PUM2: variants seen among roughly 807,000 people sequenced by gnomAD.
PUM2 encodes the protein pumilio homolog 2.
Under a neutral mutation model 124.5 loss-of-function variants are expected in PUM2, and 57 were observed. That is an observed-to-expected ratio of 0.46 (90% CI 0.37 to 0.57). The LOEUF is 0.57. PUM2 is among the 20% of genes least tolerant of loss of function. The probability of loss-of-function intolerance (pLI) is 0.00; values close to 1 mark genes in which losing one functional copy is unlikely to be tolerated. For missense variants in PUM2, 1,065 were observed against 1,290.6 expected, an observed-to-expected ratio of 0.83 and a Z score of 2.68; for synonymous variants, 460 against 446.1, an observed-to-expected ratio of 1.03 and a Z score of -0.39.
intron 1 of PUM2, among the ~76,000 whole-genome samples, chr2:20,344,005 T>C (rs1687733255): frequency 6.6e-6 from 1 of 152,166 alleles, no homozygotes; most frequent in African/African-American, 2.4e-5. Flanking sequence ...TAATAGAAAA[T>C]ATCTTCAACA....
chr2:20,334,819 T>G (rs191763229), intron 1 of PUM2, among the ~76,000 whole-genome samples: 2 of 152,248 alleles, frequency 1.3e-5, no homozygotes, highest in East Asian at 1.9e-4. Flanking sequence ...GCCTGGAGAC[T>G]GTACCTTCCT....
intron 13 of PUM2, among the ~76,000 whole-genome samples, chr2:20,264,336 CAAAAAAAAAAAAA>C (rs869149732): frequency 1.2e-4 from 3 of 25,390 alleles, no homozygotes; most frequent in East Asian, 4.6e-3. Flanking sequence ...CACTCTGTCT[CAAAAAAAAAAAAA>C]AAAAAAAAAA....
intron 15 of PUM2, among the ~76,000 whole-genome samples, chr2:20,259,156 C>G (rs557840640): frequency 1.3e-5 from 2 of 152,212 alleles, no homozygotes; most frequent in South Asian, 4.1e-4. Context: ...TCTATAAATC[C>G]AAAGACTATA....
intron 7 of PUM2, among the ~76,000 whole-genome samples, chr2:20,299,943 T>C (rs74333499): frequency 0.043 from 6,472 of 152,238 alleles, 189 homozygotes; most frequent in Non-Finnish European, 0.058. Context: ...CTGGGATCAA[T>C]AGAAAGGAAA....
intron 13 of PUM2, among the ~76,000 whole-genome samples, chr2:20,268,180 A>G (rs74335625): frequency 0.015 from 2,213 of 152,318 alleles, 67 homozygotes; most frequent in African/African-American, 0.049. Context: ...CTTACTTAAG[A>G]CATAGATAAT....
At chr2:20,283,622 T>A (rs566487387) in intron 10 of PUM2, 136 bp from the exon 11 acceptor site, 1 of 843,542 alleles carries the variant, frequency 1.2e-6, no homozygotes, top group Admixed American at 3.0e-5. Context: ...AGTTAATATA[T>A]GCAAAGCAAC....
At chr2:20,266,541 T>G (rs1667706057) in intron 13 of PUM2, among the ~76,000 whole-genome samples, 1 of 151,404 alleles carries the variant, frequency 6.6e-6, no homozygotes, top group African/African-American at 2.4e-5. Context: ...ACTAATTCAC[T>G]GAAAGGACGA....
rs1681567572 is a variant in PUM2, at chr2:20,318,651, T to C, written c.52-6A>G. ...AACTTTTTGGTAGGCAAAAGCTATT[T>C]GGAGGAAAAATTACAGTTAAATTTT... is the stretch of plus-strand genomic sequence containing the variant. On this transcript the variant is annotated splice_region_variant and splice_polypyrimidine_tract_variant and intron_variant, in intron 2 of 20. Transcript: ENST00000361078. 1.9e-6 allele frequency: 3 copies of C among 1,595,280 alleles called. No individual in the cohort carries two copies. In the East Asian group the frequency reaches 6.7e-5, roughly 36 times the overall value.
At chr2:20,264,357 A>G (rs1310479339) in intron 13 of PUM2, among the ~76,000 whole-genome samples, 6 of 71,224 alleles carry the variant, frequency 8.4e-5, no homozygotes, top group African/African-American at 3.4e-4. Flanking sequence ...AAAAAAAAAA[A>G]AAAAAAAAAA....
At chr2:20,269,456 C>G (rs1320139550) in intron 13 of PUM2, among the ~76,000 whole-genome samples, 1 of 152,120 alleles carries the variant, frequency 6.6e-6, no homozygotes, top group African/African-American at 2.4e-5. Flanking sequence ...CTGCCTTGGC[C>G]TCCCAAAGTG....
intron 10 of PUM2, among the ~76,000 whole-genome samples, chr2:20,288,120 A>G (rs925967402): frequency 6.6e-6 from 1 of 152,248 alleles, no homozygotes; most frequent in African/African-American, 2.4e-5. Context: ...AAAAAGGAAA[A>G]TAACTTGGGC....
intron 20 of PUM2, among the ~76,000 whole-genome samples, chr2:20,252,156 A>G (rs1053120979): frequency 6.6e-6 from 1 of 152,230 alleles, no homozygotes; most frequent in African/African-American, 2.4e-5. Context: ...TTTTATATTC[A>G]TTAGTTTACA....
chr2:20,289,982 C>T (rs1020909445), intron 10 of PUM2, among the ~76,000 whole-genome samples: 1 of 152,120 alleles, frequency 6.6e-6, no homozygotes, highest in Non-Finnish European at 1.5e-5. Flanking sequence ...TCAAATATAG[C>T]TTTAAAGTTT....
intron 13 of PUM2, among the ~76,000 whole-genome samples, chr2:20,271,229 G>A (rs1483807231): frequency 6.6e-6 from 1 of 152,030 alleles, no homozygotes; most frequent in Non-Finnish European, 1.5e-5. Flanking sequence ...AGATAAAATA[G>A]CAATTACTTT....
intron 13 of PUM2, among the ~76,000 whole-genome samples, chr2:20,267,427 T>A (rs1335188396): frequency 6.6e-6 from 1 of 152,110 alleles, no homozygotes; most frequent in African/African-American, 2.4e-5. Context: ...AGCGGTAACA[T>A]CTGGAAAACA....
intron 12 of PUM2, among the ~76,000 whole-genome samples, chr2:20,280,144 C>G (rs1040981222): frequency 6.6e-6 from 1 of 151,992 alleles, no homozygotes; most frequent in African/African-American, 2.4e-5. Flanking sequence ...AGACGGAAAA[C>G]TTAATTACGT....
intron 16 of PUM2, among the ~76,000 whole-genome samples, chr2:20,257,664 G>C (rs1426901927): frequency 6.6e-6 from 1 of 152,078 alleles, no homozygotes; most frequent in East Asian, 1.9e-4. Context: ...TATTTCAAAT[G>C]ATTTTAAGCA....
At chr2:20,336,965 T>A (rs1686253119) in intron 1 of PUM2, among the ~76,000 whole-genome samples, 1 of 151,998 alleles carries the variant, frequency 6.6e-6, no homozygotes, top group African/African-American at 2.4e-5. Context: ...TGTGACATCA[T>A]CCTAATAGTG....
intron 7 of PUM2, among the ~76,000 whole-genome samples, chr2:20,302,968 G>A (rs977750868): frequency 7.2e-5 from 11 of 152,064 alleles, no homozygotes; most frequent in African/African-American, 2.4e-4. Flanking sequence ...TTGCACATGC[G>A]ACCCATCAGG....
Sources: allele counts gnomAD v4.1 joint callset (sites outside exome capture counted in the v4.1 genomes callset), GRCh38; gene constraint gnomAD v4.1.1; transcripts MANE v1.5; gene names NCBI Gene and HGNC (gene_info 2026-07-23, HGNC 2026-07-21).